The following PDZD2 variants were observed in gnomAD, a reference collection of about 807,000 sequenced individuals.
The protein encoded by PDZD2 is PDZ domain containing 2.
PDZD2 carries 90 observed loss-of-function variants against 220.7 expected under a neutral mutation model. The observed-to-expected ratio is 0.41, with a 90% CI of 0.34 to 0.49. The LOEUF (loss-of-function observed/expected upper bound fraction) is 0.49, where lower values mean the gene tolerates loss of function less well. Among genes scored for constraint, PDZD2 ranks in the 20% least tolerant of loss-of-function variants. PDZD2 has a pLI of 0.28. For missense variants in PDZD2, 3,174 were observed against 3,608.5 expected, an observed-to-expected ratio of 0.88 and a Z score of 3.08; for synonymous variants, 1,375 against 1,450.5, an observed-to-expected ratio of 0.95 and a Z score of 1.18.
chr5:31,668,845 TTGG>T (rs1433131040), intron 1 of PDZD2, among the ~76,000 whole-genome samples: 1 of 152,268 alleles, frequency 6.6e-6, no homozygotes, highest in East Asian at 1.9e-4. Flanking sequence ...CAGGAGTTTC[TTGG>T]TGGTGTTGTT....
intron 1 of PDZD2, among the ~76,000 whole-genome samples, chr5:31,791,590 C>CAAA (rs1157216997): frequency 0.016 from 810 of 50,116 alleles, 24 homozygotes; most frequent in African/African-American, 0.05. Flanking sequence ...AACTCCGTCT[C>CAAA]AAAAAAAAAA....
intron 1 of PDZD2, among the ~76,000 whole-genome samples, chr5:31,781,312 G>A (rs562212012): frequency 6.6e-6 from 1 of 152,336 alleles, no homozygotes; most frequent in South Asian, 2.1e-4. Flanking sequence ...TACTCATGAG[G>A]CTGAGGCAGG....
In PDZD2 at chr5:31,799,729, G is replaced by A; in HGVS notation, c.476+5G>A. 6.3e-7 allele frequency: 1 copy of A among 1,592,786 alleles called. No individual in the cohort carries two copies. On this transcript the variant is annotated splice_donor_5th_base_variant and intron_variant, in intron 2 of 24. Coordinates refer to ENST00000438447, the MANE Select transcript of PDZD2 (RefSeq NM_178140.4). ...AGTTGATGTCAGTGGGGCCAGGTAA[G>A]TAGGGGGAATGCCTGCTGGCACAGG...
intron 1 of PDZD2, among the ~76,000 whole-genome samples, chr5:31,746,798 C>G (rs1409488951): frequency 6.6e-6 from 1 of 152,182 alleles, no homozygotes; most frequent in Non-Finnish European, 1.5e-5. Flanking sequence ...ATTTCCTTAC[C>G]CATCACTAGG....
rs181844435 is a variant in PDZD2, at chr5:31,955,329, C to T, written c.477-27826C>T. On this transcript the variant is annotated intron_variant, in intron 2 of 24. Transcript: ENST00000438447. ...TTGTTTTGTTTTTTCGAGACGAAGTCTTGCTCTGTCTCCCAGGCTGCAGTG... is the reference window on the plus strand; with the variant it reads ...TTGTTTTGTTTTTTCGAGACGAAGTTTTGCTCTGTCTCCCAGGCTGCAGTG... Among the ~76,000 whole-genome samples the T allele has an allele frequency of 5.9e-5, 9 of 151,532 alleles. No homozygotes were observed. The East Asian group carries it at 1.7e-3, about 29-fold the overall frequency.
chr5:31,728,704 A>T (rs1451671895), intron 1 of PDZD2, among the ~76,000 whole-genome samples: 4 of 152,234 alleles, frequency 2.6e-5, no homozygotes, highest in African/African-American at 9.6e-5. Context: ...TTATAAAATG[A>T]CTAAGAGAGT....
chr5:32,063,250 G>A (rs190447954), intron 14 of PDZD2, among the ~76,000 whole-genome samples: 1 of 152,118 alleles, frequency 6.6e-6, no homozygotes, highest in East Asian at 1.9e-4. Context: ...TCACCATGTT[G>A]GCCAGGCTGG....
At chr5:32,040,684 G>C (rs1756018922) in intron 7 of PDZD2, among the ~76,000 whole-genome samples, 1 of 149,148 alleles carries the variant, frequency 6.7e-6, no homozygotes, top group Non-Finnish European at 1.5e-5. Flanking sequence ...TCTGGGAAGT[G>C]GGGAGAGCCT....
intron 1 of PDZD2, among the ~76,000 whole-genome samples, chr5:31,666,418 T>A (rs541368414): frequency 4.2e-4 from 64 of 152,248 alleles, no homozygotes; most frequent in Admixed American, 3.2e-3. Flanking sequence ...AAATATTTTC[T>A]TACTAATTAT....
chr5:31,994,086 C>T (rs924465444), intron 3 of PDZD2, among the ~76,000 whole-genome samples: 1 of 151,426 alleles, frequency 6.6e-6, no homozygotes, highest in Non-Finnish European at 1.5e-5. Context: ...GGTGTGATCT[C>T]GGCTCACTGC....
intron 3 of PDZD2, among the ~76,000 whole-genome samples, chr5:31,994,161 G>A (rs1751450526): frequency 6.6e-6 from 1 of 151,706 alleles, no homozygotes; most frequent in Non-Finnish European, 1.5e-5. Flanking sequence ...GGGATTATAG[G>A]TGCCCACCAC....
intron 2 of PDZD2, among the ~76,000 whole-genome samples, chr5:31,960,309 C>T (rs180764835): frequency 1.0e-3 from 156 of 152,120 alleles, no homozygotes; most frequent in African/African-American, 3.6e-3. Context: ...CTCCACCCCC[C>T]AGGTTCAAGA....
Position 31,639,157 on chromosome 5 carries a change from G to T in PDZD2, c.-641G>T, listed in dbSNP as rs1281952222. ...AGGCTCGGCGGATCCCCTGCGCAGC[G>T]AGGCGAGGAGCGGACCCCAGCGCCG... On this transcript the variant is annotated 5_prime_UTR_variant, in exon 1 of 25. Transcript: ENST00000438447. This position sits in a 1 kb window ranked among gnomAD's most constrained non-coding sequence, Gnocchi z 4.1. 6.6e-6 allele frequency among the ~76,000 whole-genome samples: 1 copy of T among 152,182 alleles called. No individual in the cohort carries two copies. Among genetic ancestry groups the T allele is most frequent in the East Asian group, 1.9e-4 (1 of 5,150 alleles).
chr5:32,090,725 C>G lies in PDZD2; in HGVS notation c.7277C>G (p.Ser2426Cys). 6.2e-7 allele frequency: 1 copy of G among 1,614,172 alleles called. No homozygotes were observed. Among genetic ancestry groups the G allele is most frequent in the Non-Finnish European group, 8.5e-7 (1 of 1,180,034 alleles). The change falls in exon 20 of 25, where the codon TCT becomes TGT. Residue 2426 changes from serine (S) to cysteine (C), a missense_variant. Physicochemically the swap from Ser to Cys is moderately radical, Grantham distance 112. This residue lies in a region of PDZD2 where 631 missense variants were observed against 789.9 expected (regional missense o/e 0.80). Coordinates refer to ENST00000438447, the MANE Select transcript of PDZD2 (RefSeq NM_178140.4). The surrounding 1 kb of genome is among the most constrained non-coding windows in gnomAD (Gnocchi z 4.3). ...CCCTCAATCATGACACTGACCATCT[C>G]TCGGCAGAACCCACCAGAGACCAGT... ...KSPSIMTLTI[S>C]RQNPPETSSK...
chr5:31,936,186 C>T (rs910203210), intron 2 of PDZD2: 1 of 987,768 alleles, frequency 1.0e-6, no homozygotes. Flanking sequence ...AGTTGGAGCA[C>T]GCATGGCGCA....
At chr5:31,771,772 A>G (rs1392529842) in intron 1 of PDZD2, among the ~76,000 whole-genome samples, 1 of 152,172 alleles carries the variant, frequency 6.6e-6, no homozygotes, top group Non-Finnish European at 1.5e-5. Context: ...TTAGTAAAGG[A>G]CAGTTGACGC....
intron 2 of PDZD2, among the ~76,000 whole-genome samples, chr5:31,871,527 G>A (rs867254046): frequency 3.3e-5 from 5 of 150,634 alleles, no homozygotes; most frequent in Admixed American, 6.6e-5. Context: ...TCTCGGCTCA[G>A]TGCAACGTCC....
intron 2 of PDZD2, among the ~76,000 whole-genome samples, chr5:31,815,711 T>TTCA (rs1458956347): frequency 6.6e-6 from 1 of 152,216 alleles, no homozygotes; most frequent in African/African-American, 2.4e-5. Flanking sequence ...AGAAGCAGGG[T>TTCA]TCACTTAGTC....
intron 6 of PDZD2, among the ~76,000 whole-genome samples, chr5:32,035,316 A>G (rs1755451016): frequency 6.6e-6 from 1 of 151,762 alleles, no homozygotes; most frequent in Non-Finnish European, 1.5e-5. Flanking sequence ...GATGGAGTGC[A>G]GTGGCGTGAT....
Sources: gnomAD v4.1 joint callset for allele counts (sites outside exome capture counted in the v4.1 genomes callset) on GRCh38, gnomAD v4.1.1 for gene constraint, gnomAD v4.1.1 regional missense constraint, Gnocchi (gnomAD v3.1) non-coding constraint, MANE v1.5 for transcripts, NCBI Gene and HGNC (gene_info 2026-07-23, HGNC 2026-07-21) for gene names.